Variants in ZNF44 observed in about 807,000 individuals in gnomAD.
ZNF44 encodes zinc finger protein 44.
In ZNF44, 9 loss-of-function variants were observed where a neutral mutation model predicts 11.7. The ratio of observed to expected loss-of-function variants is 0.77; its 90% confidence interval spans 0.46 to 1.35. The LOEUF (loss-of-function observed/expected upper bound fraction) is 1.35, where lower values mean the gene tolerates loss of function less well. Ranked by LOEUF, ZNF44 falls within the 40% of genes most tolerant of loss-of-function variation. The probability of loss-of-function intolerance (pLI) is 0.00; values close to 1 mark genes in which losing one functional copy is unlikely to be tolerated. For synonymous variants in ZNF44, 224 were observed against 242.7 expected, an observed-to-expected ratio of 0.92 and a Z score of 0.72; for missense variants, 696 against 743.1, an observed-to-expected ratio of 0.94 and a Z score of 0.74.
chr19:12,246,569 A>C (rs1916772620), downstream of ZNF44, among the ~76,000 whole-genome samples: 1 of 152,210 alleles, frequency 6.6e-6, no homozygotes, highest in Non-Finnish European at 1.5e-5. Flanking sequence ...TTATTAACTG[A>C]CTTAAGGAAT....
At chr19:12,276,549 G>A (rs1166740798) in intron 1 of ZNF44, among the ~76,000 whole-genome samples, 1 of 152,164 alleles carries the variant, frequency 6.6e-6, no homozygotes, top group Non-Finnish European at 1.5e-5. Context: ...GGGGTGGAGT[G>A]TGCCTAAACT....
intron 1 of ZNF44, among the ~76,000 whole-genome samples, chr19:12,281,075 C>G: frequency 6.6e-6 from 1 of 152,102 alleles, no homozygotes; most frequent in East Asian, 1.9e-4. Flanking sequence ...TAGCTGAACT[C>G]AACAGCACTA....
At chr19:12,258,136 C>T (rs1424790734) in intron 5 of ZNF44, among the ~76,000 whole-genome samples, 1 of 106,816 alleles carries the variant, frequency 9.4e-6, no homozygotes, top group Admixed American at 1.5e-4. Context: ...CCAGCCTGGA[C>T]AACATAGTGA....
chr19:12,279,233 T>G (rs1193701843), intron 1 of ZNF44, among the ~76,000 whole-genome samples: 3 of 152,048 alleles, frequency 2.0e-5, no homozygotes, highest in Non-Finnish European at 4.4e-5. Context: ...ACTAAACAAA[T>G]GAATAGGCCA....
intron 5 of ZNF44, among the ~76,000 whole-genome samples, chr19:12,261,373 G>A (rs1039843448): frequency 6.6e-6 from 1 of 152,210 alleles, no homozygotes; most frequent in Non-Finnish European, 1.5e-5. Context: ...GGTGGCTCAC[G>A]CTTGCAATCC....
At chr19:12,265,457 T>C (rs952267881) in intron 5 of ZNF44, among the ~76,000 whole-genome samples, 3 of 152,218 alleles carry the variant, frequency 2.0e-5, no homozygotes, top group Non-Finnish European at 4.4e-5. Flanking sequence ...TTGGCCTTTT[T>C]GGAAATATTT....
chr19:12,269,947 A>G (rs1599522249), downstream of ZNF44, among the ~76,000 whole-genome samples: 9 of 152,348 alleles, frequency 5.9e-5, no homozygotes, highest in East Asian at 1.7e-3. Flanking sequence ...TGCAAGAAAT[A>G]TTATTTTAAG....
chr19:12,247,425 C>G, downstream of ZNF44: 4 of 1,321,556 alleles, frequency 3.0e-6, no homozygotes, highest in South Asian at 4.8e-5. Flanking sequence ...GGGTTTTCCA[C>G]ATTCTTTACA....
intron 1 of ZNF44, among the ~76,000 whole-genome samples, chr19:12,278,378 T>C (rs1460634032): frequency 6.6e-6 from 1 of 152,204 alleles, no homozygotes; most frequent in African/African-American, 2.4e-5. Context: ...CTCTCAGCTC[T>C]GAAGGCTGTC....
chr19:12,247,391 T>A, downstream of ZNF44: 1 of 1,306,264 alleles, frequency 7.7e-7, no homozygotes, highest in Non-Finnish European at 1.0e-6. Flanking sequence ...TCATGTGCAC[T>A]CGAAAGCCTG....
exon 8 of ZNF44, chr19:12,248,299 G>A (rs1433363106): frequency 7.7e-6 from 10 of 1,295,344 alleles, no homozygotes; most frequent in South Asian, 2.5e-5. Flanking sequence ...TCTCCAGTGT[G>A]AGTCCTTCCA....
intron 1 of ZNF44, among the ~76,000 whole-genome samples, chr19:12,278,551 G>A (rs951491117): frequency 2.7e-4 from 41 of 151,802 alleles, no homozygotes; most frequent in African/African-American, 9.4e-4. Flanking sequence ...GGCAATGTGG[G>A]GAGACCTCAT....
chr19:12,236,850 T>C (rs1916408767), intron 1 of ZNF44, among the ~76,000 whole-genome samples: 1 of 152,238 alleles, frequency 6.6e-6, no homozygotes, highest in Non-Finnish European at 1.5e-5. Context: ...TCCCAGGCTA[T>C]TGTCCTTAAA....
At chr19:12,248,269 CT>C (rs1347343679) in exon 8 of ZNF44, 22 of 1,296,566 alleles carry the variant, frequency 1.7e-5, no homozygotes, top group Non-Finnish European at 2.2e-5. Flanking sequence ...TTTCCACATT[CT>C]TTACACTTAA....
chr19:12,260,088 A>C (rs2145704007), intron 5 of ZNF44: 1 of 598,938 alleles, frequency 1.7e-6, no homozygotes, highest in East Asian at 3.6e-5. Flanking sequence ...CTATAAATAC[A>C]CAGGTCTCAG....
intron 1 of ZNF44, chr19:12,284,418 G>A (rs1393006978): frequency 1.6e-6 from 1 of 630,922 alleles, no homozygotes; most frequent in African/African-American, 1.8e-5. Context: ...CTTCCGCGGA[G>A]ATTTCGGCAG....
downstream of ZNF44, among the ~76,000 whole-genome samples, chr19:12,247,043 T>A (rs574701025): frequency 1.1e-4 from 17 of 151,300 alleles, no homozygotes; most frequent in African/African-American, 3.9e-4. Flanking sequence ...AAAAATATTT[T>A]AAAATAAAAA....
intron 5 of ZNF44, chr19:12,266,128 C>T (rs977801066): frequency 3.0e-5 from 14 of 461,728 alleles, no homozygotes; most frequent in Admixed American, 6.4e-5. Context: ...GGCCACCCTG[C>T]GGCCAAGGGG....
At chr19:12,267,932 G>C (rs1350079140), downstream of ZNF44, among the ~76,000 whole-genome samples, 1 of 151,154 alleles carries the variant, frequency 6.6e-6, no homozygotes, top group Non-Finnish European at 1.5e-5. Context: ...TGCCTCCCAG[G>C]TTCAAGCGAT....
Sources: gnomAD v4.1 joint callset for allele counts (sites outside exome capture counted in the v4.1 genomes callset) on GRCh38, gnomAD v4.1.1 for gene constraint, MANE v1.5 for transcripts, NCBI Gene and HGNC (gene_info 2026-07-23, HGNC 2026-07-21) for gene names.